Variants in LIMD1 observed in about 807,000 individuals in gnomAD.
LIMD1 encodes LIM domain-containing protein 1.
A neutral mutation model predicts 58.4 loss-of-function variants in LIMD1; 23 were observed. That is an observed-to-expected ratio of 0.39 (90% CI 0.28 to 0.56). LIMD1 has a LOEUF of 0.56. Ranked by LOEUF, LIMD1 falls within the 20% of genes least tolerant of loss-of-function variation. The probability of loss-of-function intolerance (pLI) is 0.57; values close to 1 mark genes in which losing one functional copy is unlikely to be tolerated. For missense variants in LIMD1, 838 were observed against 855.5 expected (o/e 0.98, Z 0.25); for synonymous variants, 334 against 345.5 (o/e 0.97, Z 0.37).
chr3:45,648,327 A>G (rs1019309708), intron 2 of LIMD1, among the ~76,000 whole-genome samples: 9 of 152,326 alleles, frequency 5.9e-5, no homozygotes, highest in Admixed American at 4.6e-4. Context: ...ATTTCATATG[A>G]ATGAAATCAT....
chr3:45,642,757 A>T lies in LIMD1; in HGVS notation c.1510+6506A>T, dbSNP rs141094268. On this transcript the variant is annotated intron_variant, in intron 2 of 7. Coordinates refer to ENST00000273317, the MANE Select transcript of LIMD1 (RefSeq NM_014240.3). The stretch of plus-strand genomic sequence containing the variant: ...GCCCCAGCCAGCATCTTCGTGCAGC[A>T]TCTTTCTTTCCTTCTGTGGGATTGT... Among the ~76,000 whole-genome samples, 345 of 152,320 alleles carry T rather than the reference A, an allele frequency of 2.3e-3. 3 individuals carry two copies. The highest frequency in any genetic ancestry group is 7.3e-3 in the African/African-American group (304 of 41,574).
At position 45,675,493 on chromosome 3, in the gene LIMD1, C is replaced by T. The variant is rs1697654931; in HGVS notation, c.1893+1082C>T. On this transcript the variant is annotated intron_variant, in intron 7 of 7. Transcript: ENST00000273317. ...GCAGTGACCTGAGATCATGCTACTG[C>T]ACTCCAGCCTGGGCAACAGAGCAAG... 2.0e-5 allele frequency among the ~76,000 whole-genome samples: 3 copies of T among 152,154 alleles called. No individual in the cohort carries two copies. In the South Asian group the frequency reaches 6.2e-4, roughly 32 times the overall value.
At chr3:45,656,600 C>T (rs2125665698) in intron 2 of LIMD1, among the ~76,000 whole-genome samples, 1 of 152,130 alleles carries the variant, frequency 6.6e-6, no homozygotes, top group East Asian at 1.9e-4. Context: ...TCACTGCAAC[C>T]TCGGCCTCCC....
At chr3:45,601,216 G>A (rs538599656) in intron 1 of LIMD1, among the ~76,000 whole-genome samples, 1 of 152,336 alleles carries the variant, frequency 6.6e-6, no homozygotes, top group South Asian at 2.1e-4. Flanking sequence ...AAGGAATCAG[G>A]AGTGGGTAGA....
Position 45,595,046 on chromosome 3 carries a change from A to G in LIMD1, c.167A>G (p.His56Arg). Residue 56 changes from histidine (H) to arginine (R), a missense_variant, in exon 1 of 8, where the codon CAC (histidine) becomes CGC (arginine). His to Arg is a conservative substitution (Grantham distance 29). Around this residue, in one of 3 missense-constraint regions of LIMD1, gnomAD observed 659 missense variants for 639.8 expected, o/e 1.03. Coordinates refer to ENST00000273317, the MANE Select transcript of LIMD1 (RefSeq NM_014240.3). ...TTCGCCACCAAGATGGCCAAAATCC[A>G]CCTCCAGCAGCAGCAGCAGCAGCTC... ...RVFATKMAKI[H>R]LQQQQQQLLQ... is the part of the protein sequence containing the mutation. 1 of 1,613,356 alleles carries G rather than the reference A, an allele frequency of 6.2e-7. No individual in the cohort carries two copies. The highest frequency in any genetic ancestry group is 8.5e-7 in the Non-Finnish European group (1 of 1,179,964).
chr3:45,631,959 G>A (rs1701738541), intron 1 of LIMD1, among the ~76,000 whole-genome samples: 1 of 152,256 alleles, frequency 6.6e-6, no homozygotes, highest in East Asian at 1.9e-4. Flanking sequence ...CTCTTCATGT[G>A]CTCATGCTGT....
chr3:45,639,765 C>T (rs1248652052), intron 2 of LIMD1, among the ~76,000 whole-genome samples: 6 of 152,132 alleles, frequency 3.9e-5, no homozygotes, highest in Admixed American at 1.3e-4. Context: ...TGGGTTCAAG[C>T]GATTCTCCTG....
At chr3:45,656,321 CAA>C (rs1373798454) in intron 2 of LIMD1, among the ~76,000 whole-genome samples, 11 of 152,100 alleles carry the variant, frequency 7.2e-5, no homozygotes, top group East Asian at 1.9e-4. Flanking sequence ...GAACAGAAAA[CAA>C]GAGAGACAGT....
intron 1 of LIMD1, among the ~76,000 whole-genome samples, chr3:45,627,335 G>A (rs146177541): frequency 5.7e-4 from 87 of 152,270 alleles, no homozygotes; most frequent in African/African-American, 2.0e-3. Flanking sequence ...AGGATGGACT[G>A]GAAAGGATAT....
At chr3:45,642,621 T>C (rs1385087508) in intron 2 of LIMD1, among the ~76,000 whole-genome samples, 8 of 152,238 alleles carry the variant, frequency 5.3e-5, no homozygotes, top group Non-Finnish European at 7.3e-5. Context: ...AACAATGTTG[T>C]ATCCTTTTCA....
intron 2 of LIMD1, among the ~76,000 whole-genome samples, chr3:45,641,140 G>A (rs1240219826): frequency 6.6e-6 from 1 of 152,166 alleles, no homozygotes; most frequent in South Asian, 2.1e-4. Flanking sequence ...GGGGGTCTGG[G>A]TGCATCTAGG....
rs1340962357 is a variant in LIMD1 at position 45,679,150 on chromosome 3, T to C, written c.*2091T>C. The C allele has an allele frequency of 6.6e-6, 1 of 152,212 alleles. No individual in the cohort carries two copies. The highest frequency in any genetic ancestry group is 1.5e-5 in the Non-Finnish European group (1 of 68,036). The allele number at this position is 152,212 out of a possible 1,614,324, so 9.4% of individuals were successfully genotyped here. ...GAAGTAGCTGGGATTTGTTTGCAAATTGGGTAATTAGTTTAAAAATCTGTG... is the reference window on the plus strand; with the variant it reads ...GAAGTAGCTGGGATTTGTTTGCAAACTGGGTAATTAGTTTAAAAATCTGTG... On this transcript the variant is annotated 3_prime_UTR_variant, in exon 8 of 8. Transcript: ENST00000273317.
In LIMD1 at chr3:45,682,780, A is replaced by G. The variant is rs1326842346; in HGVS notation, c.*5721A>G. 6.6e-6 allele frequency: 1 copy of G among 152,302 alleles called. No homozygotes were observed. Among genetic ancestry groups the G allele is most frequent in the African/African-American group, 2.4e-5 (1 of 41,460 alleles). The allele number at this position is 152,302 out of a possible 1,614,324, so 9.4% of individuals were successfully genotyped here. On this transcript the variant is annotated 3_prime_UTR_variant, in exon 8 of 8. Transcript: ENST00000273317. ...CAGTATACTTCTTCATCAAAGCTAC[A>G]TAGTCAAAAAGCCACAGGAGGCTGT...
At chr3:45,653,497 C>G (rs1188032269) in intron 2 of LIMD1, among the ~76,000 whole-genome samples, 1 of 152,198 alleles carries the variant, frequency 6.6e-6, no homozygotes, top group East Asian at 1.9e-4. Context: ...CACTTTGCCC[C>G]TTTCTGCTGT....
chr3:45,633,685 CT>C (rs1319459594), intron 1 of LIMD1, among the ~76,000 whole-genome samples: 1 of 152,190 alleles, frequency 6.6e-6, no homozygotes, highest in Admixed American at 6.5e-5. Context: ...CCCTCTTGAG[CT>C]TTCTATAAAT....
intron 1 of LIMD1, among the ~76,000 whole-genome samples, chr3:45,611,653 A>C (rs991304610): frequency 5.4e-4 from 82 of 152,178 alleles, no homozygotes; most frequent in Non-Finnish European, 1.3e-4. Flanking sequence ...TGGGCCTCCC[A>C]ATAAGCCTGT....
intron 1 of LIMD1, among the ~76,000 whole-genome samples, chr3:45,607,454 G>T (rs867466464): frequency 1.3e-5 from 2 of 152,044 alleles, no homozygotes; most frequent in Non-Finnish European, 2.9e-5. Context: ...CTGTGTCCCC[G>T]GGGAGTGAGG....
intron 2 of LIMD1, among the ~76,000 whole-genome samples, chr3:45,637,164 G>C (rs948965933): frequency 6.6e-6 from 1 of 152,118 alleles, no homozygotes; most frequent in African/African-American, 2.4e-5. Context: ...CTGCTAATCA[G>C]AATCAGAGCT....
chr3:45,683,552 C>T lies in LIMD1; in HGVS notation c.*6493C>T, dbSNP rs1343299775. 1 of 152,098 alleles carries T rather than the reference C, an allele frequency of 6.6e-6. No homozygotes were observed. Among genetic ancestry groups the T allele is most frequent in the Non-Finnish European group, 1.5e-5 (1 of 68,020 alleles). 9.4% of individuals were successfully genotyped at this position (152,098 alleles called of 1,614,324 possible). On this transcript the variant is annotated 3_prime_UTR_variant, in exon 8 of 8. Transcript: ENST00000273317. ...GCCTCTGATTGGGCGTTTTACACAA[C>T]CAGTCAGATGTTTGTATAGGGTGGT...
Sources: gnomAD v4.1 joint callset for allele counts (sites outside exome capture counted in the v4.1 genomes callset) on GRCh38, gnomAD v4.1.1 for gene constraint, gnomAD v4.1.1 regional missense constraint, MANE v1.5 for transcripts, NCBI Gene and HGNC (gene_info 2026-07-23, HGNC 2026-07-21) for gene names.